Variants in LIPC observed in about 807,000 individuals in gnomAD.
LIPC encodes lipase C, hepatic type.
LIPC carries 44 observed loss-of-function variants against 50.7 expected under a neutral mutation model. That is an observed-to-expected ratio of 0.87 (90% confidence interval 0.68 to 1.11). The LOEUF (loss-of-function observed/expected upper bound fraction) is 1.11. Among genes scored for constraint, LIPC ranks in the 50% most tolerant of loss-of-function variants. The pLI is 0.00. For missense variants in LIPC, 697 were observed against 648.2 expected (o/e 1.08, Z -0.82); for synonymous variants, 271 against 256.4 (o/e 1.06, Z -0.54).
intron 1 of LIPC, among the ~76,000 whole-genome samples, chr15:58,494,014 G>C (rs1891682848): frequency 6.6e-6 from 1 of 152,140 alleles, no homozygotes; most frequent in African/African-American, 2.4e-5. Flanking sequence ...CTAGTACAGA[G>C]GTAAGACTCC....
chr15:58,514,251 G>T (rs1398915964), intron 1 of LIPC, among the ~76,000 whole-genome samples: 1 of 152,212 alleles, frequency 6.6e-6, no homozygotes, highest in African/African-American at 2.4e-5. Context: ...AGCATCTGTG[G>T]AAGGTGGATA....
intron 1 of LIPC, among the ~76,000 whole-genome samples, chr15:58,518,147 C>G (rs1233258763): frequency 3.9e-5 from 6 of 152,230 alleles, no homozygotes; most frequent in African/African-American, 1.4e-4. Flanking sequence ...GGGTGTTGAG[C>G]AGTATCCCTG....
intron 1 of LIPC, among the ~76,000 whole-genome samples, chr15:58,519,763 T>G (rs1250046011): frequency 6.6e-6 from 1 of 152,242 alleles, no homozygotes. Flanking sequence ...GGAGTTATTC[T>G]TGGCATCAGC....
intron 1 of LIPC, among the ~76,000 whole-genome samples, chr15:58,486,448 G>A (rs1891379608): frequency 6.6e-6 from 1 of 152,192 alleles, no homozygotes; most frequent in Admixed American, 6.5e-5. Flanking sequence ...AAGCTGTCTT[G>A]CACTCATTGG....
chr15:58,468,291 T>G (rs1894649396), intron 1 of LIPC, among the ~76,000 whole-genome samples: 1 of 152,038 alleles, frequency 6.6e-6, no homozygotes, highest in Non-Finnish European at 1.5e-5. Context: ...CCTCTCAGAG[T>G]GAACACCTAT....
In LIPC at chr15:58,563,538, C is replaced by T. The variant is rs768982423; in HGVS notation, c.1203C>T (p.Ser401=). 2.0e-5 allele frequency: 33 copies of T among 1,614,026 alleles called. No individual in the cohort carries two copies. The highest frequency in any genetic ancestry group is 2.8e-5 in the Non-Finnish European group (33 of 1,180,036). The change falls in exon 8 of 9, where the codon TCC becomes TCT. Residue 401 remains serine, a synonymous_variant. Transcript: ENST00000299022. ...GKGIASNKTY[S]FLITLDVDIG... is the part of the protein sequence containing the mutation. ...GAATTGCTAGTAATAAAACGTATTCCTTTCTTATCACGCTGGATGTGGATA... is the reference window on the plus strand; with the variant it reads ...GAATTGCTAGTAATAAAACGTATTCTTTTCTTATCACGCTGGATGTGGATA...
Position 58,523,675 on chromosome 15 carries a change from T to A in LIPC, c.89-14658T>A, listed in dbSNP as rs562630567. ...GGCTCACGCCTATAATCCCAACACT[T>A]TGGGAGCCCGAGGCAGGAGGATCAC... On this transcript the variant is annotated intron_variant, in intron 1 of 8. Coordinates refer to ENST00000299022, the MANE Select transcript of LIPC (RefSeq NM_000236.3). Among the ~76,000 whole-genome samples the A allele has an allele frequency of 1.5e-4, 23 of 152,170 alleles. No homozygotes were observed. The South Asian group carries it at 4.8e-3, about 32-fold the overall frequency.
intron 1 of LIPC, among the ~76,000 whole-genome samples, chr15:58,520,112 G>T (rs890061474): frequency 3.4e-4 from 42 of 123,470 alleles, no homozygotes; most frequent in South Asian, 5.1e-4. Flanking sequence ...GTTTTGGGCT[G>T]TTTTTTTTTT....
At chr15:58,486,108 C>T (rs1417482900) in intron 1 of LIPC, among the ~76,000 whole-genome samples, 1 of 152,208 alleles carries the variant, frequency 6.6e-6, no homozygotes, top group Non-Finnish European at 1.5e-5. Context: ...ATCCATGCTG[C>T]TCCTTGACCT....
chr15:58,499,230 T>C (rs2140832955), intron 1 of LIPC, among the ~76,000 whole-genome samples: 1 of 152,342 alleles, frequency 6.6e-6, no homozygotes, highest in Non-Finnish European at 1.5e-5. Context: ...TTTTGTACTT[T>C]GTCGCCTGCC....
chr15:58,511,914 T>A (rs929822629), intron 1 of LIPC, among the ~76,000 whole-genome samples: 1 of 152,168 alleles, frequency 6.6e-6, no homozygotes, highest in Non-Finnish European at 1.5e-5. Flanking sequence ...CATTGAGTTA[T>A]AAAATCAGGA....
intron 6 of LIPC, 152 bp from the exon 7 acceptor site, chr15:58,560,712 C>A: frequency 1.7e-6 from 1 of 586,062 alleles, no homozygotes. Context: ...GAAGATAAAC[C>A]ACCATTTAGG....
At chr15:58,497,794 G>C (rs975996025) in intron 1 of LIPC, 7 of 152,186 alleles carry the variant, frequency 4.6e-5, no homozygotes, top group African/African-American at 1.7e-4. Flanking sequence ...TTTGTTGTGC[G>C]ACCACCTTCA....
At chr15:58,464,613 C>T (rs1390906196) in intron 1 of LIPC, among the ~76,000 whole-genome samples, 2 of 152,204 alleles carry the variant, frequency 1.3e-5, no homozygotes, top group Non-Finnish European at 2.9e-5. Flanking sequence ...CCTTCAACTT[C>T]TTGGGATGAG....
At chr15:58,475,127 C>G (rs767658359) in intron 1 of LIPC, among the ~76,000 whole-genome samples, 6 of 152,200 alleles carry the variant, frequency 3.9e-5, no homozygotes, top group Non-Finnish European at 7.3e-5. Context: ...CTCATGTGGT[C>G]AGGAAGTCCA....
chr15:58,562,883 G>A (rs1312567092), intron 7 of LIPC, among the ~76,000 whole-genome samples: 1 of 147,808 alleles, frequency 6.8e-6, no homozygotes, highest in East Asian at 2.1e-4. Flanking sequence ...TCTCTCCCAG[G>A]GGATGGTTCT....
intron 1 of LIPC, among the ~76,000 whole-genome samples, chr15:58,525,628 G>A (rs1325690266): frequency 1.3e-5 from 2 of 152,208 alleles, no homozygotes; most frequent in Non-Finnish European, 2.9e-5. Flanking sequence ...ACCCCTTTGA[G>A]GCCGGTGTTC....
chr15:58,533,894 C>G (rs1893032311), intron 1 of LIPC, among the ~76,000 whole-genome samples: 2 of 151,656 alleles, frequency 1.3e-5, no homozygotes, highest in Non-Finnish European at 2.9e-5. Context: ...CTACAAAAAG[C>G]AAAATAAAAT....
At chr15:58,543,182 C>T (rs2140915571) in intron 4 of LIPC, among the ~76,000 whole-genome samples, 1 of 152,304 alleles carries the variant, frequency 6.6e-6, no homozygotes, top group South Asian at 2.1e-4. Flanking sequence ...AAGGTCTGCA[C>T]ATGTGCGAGG....
Sources: gnomAD v4.1 joint callset for allele counts (sites outside exome capture counted in the v4.1 genomes callset) on GRCh38, gnomAD v4.1.1 for gene constraint, MANE v1.5 for transcripts, NCBI Gene and HGNC (gene_info 2026-07-23, HGNC 2026-07-21) for gene names.